SPHKAP: variants seen among roughly 807,000 people sequenced by gnomAD.
SPHKAP encodes SPHK1 interactor, AKAP domain containing.
A neutral mutation model predicts 137.5 loss-of-function variants in SPHKAP; 67 were observed. That is an observed-to-expected ratio of 0.49 (90% CI 0.40 to 0.60). The LOEUF is 0.60. Ranked by LOEUF, SPHKAP falls within the 20% of genes least tolerant of loss-of-function variation. The pLI is 0.00. For missense variants in SPHKAP, 2,097 were observed against 2,069.3 expected, an observed-to-expected ratio of 1.01 and a Z score of -0.26; for synonymous variants, 813 against 785.3, an observed-to-expected ratio of 1.04 and a Z score of -0.59.
chr2:228,039,655 C>A (rs1021507399), intron 3 of SPHKAP, among the ~76,000 whole-genome samples: 20 of 152,168 alleles, frequency 1.3e-4, no homozygotes, highest in Admixed American at 1.0e-3. Flanking sequence ...AAAACACAGT[C>A]ATTTTTAAGT....
intron 1 of SPHKAP, among the ~76,000 whole-genome samples, chr2:228,169,103 T>C (rs1700506492): frequency 6.6e-6 from 1 of 152,096 alleles, no homozygotes. Flanking sequence ...CAGAGGTTGG[T>C]TCATGAGGTT....
In SPHKAP at chr2:228,104,370, CATT is replaced by C. The variant is rs1054011784; in HGVS notation, c.246+4459_246+4461del. Among the ~76,000 whole-genome samples the C allele has an allele frequency of 1.1e-4, 16 of 140,882 alleles. No individual in the cohort carries two copies. In the South Asian group the frequency reaches 2.6e-3, roughly 23 times the overall value. The allele number at this position is 140,882 out of a possible 152,430, so 92.4% of individuals were successfully genotyped here. On this transcript the variant is annotated intron_variant, in intron 3 of 11. Transcript: ENST00000392056. ...TAATATTAAATAATAATATAAATAT[CATT>C]ATATTATATTATTATATAATATATA... is the stretch of plus-strand genomic sequence containing the variant.
intron 7 of SPHKAP, among the ~76,000 whole-genome samples, chr2:228,015,616 T>C (rs1694551504): frequency 6.6e-6 from 1 of 152,198 alleles, no homozygotes; most frequent in Admixed American, 6.5e-5. Flanking sequence ...AGAGAAATTA[T>C]TACCTTGCGT....
intron 3 of SPHKAP, among the ~76,000 whole-genome samples, chr2:228,044,366 C>T (rs192756385): frequency 1.4e-3 from 213 of 152,162 alleles, no homozygotes; most frequent in South Asian, 8.1e-3. Context: ...ACGGAATTAT[C>T]CAGATTGAAT....
chr2:228,064,882 CA>C (rs553342179), intron 3 of SPHKAP, among the ~76,000 whole-genome samples: 18 of 152,250 alleles, frequency 1.2e-4, no homozygotes, highest in African/African-American at 4.3e-4. Context: ...TTGGGTCTGC[CA>C]AAAATTTCAC....
chr2:228,045,646 C>A (rs578121329), intron 3 of SPHKAP, among the ~76,000 whole-genome samples: 1 of 151,630 alleles, frequency 6.6e-6, no homozygotes, highest in South Asian at 2.1e-4. Flanking sequence ...ATACCTAATG[C>A]TAAATGACGA....
chr2:228,062,911 G>A (rs1241202642), intron 3 of SPHKAP, among the ~76,000 whole-genome samples: 1 of 152,172 alleles, frequency 6.6e-6, no homozygotes, highest in Non-Finnish European at 1.5e-5. Flanking sequence ...TAGGGAATTA[G>A]TAATGCATTA....
intron 7 of SPHKAP, among the ~76,000 whole-genome samples, chr2:228,010,036 A>G (rs543994192): frequency 6.6e-6 from 1 of 152,224 alleles, no homozygotes; most frequent in South Asian, 2.1e-4. Flanking sequence ...ATCTCCCTCT[A>G]GTCTGTGTCT....
intron 3 of SPHKAP, among the ~76,000 whole-genome samples, chr2:228,059,864 A>G (rs1696578172): frequency 6.6e-6 from 1 of 152,240 alleles, no homozygotes; most frequent in African/African-American, 2.4e-5. Context: ...TTATAGCAAC[A>G]GTAGTAATAA....
intron 1 of SPHKAP, among the ~76,000 whole-genome samples, chr2:228,148,529 G>T (rs1348953205): frequency 6.6e-6 from 1 of 152,192 alleles, no homozygotes; most frequent in African/African-American, 2.4e-5. Flanking sequence ...AAGGACGCTT[G>T]CAAGGACAGG....
chr2:228,091,689 C>T (rs1400317613), intron 3 of SPHKAP, among the ~76,000 whole-genome samples: 6 of 152,072 alleles, frequency 3.9e-5, no homozygotes, highest in African/African-American at 9.7e-5. Flanking sequence ...CACTAAGGAT[C>T]AGGGAAATGC....
At chr2:228,168,514 T>C (rs74976502) in intron 1 of SPHKAP, among the ~76,000 whole-genome samples, 10,562 of 152,248 alleles carry the variant, frequency 0.069, 415 homozygotes, top group Non-Finnish European at 0.082. Flanking sequence ...TGATCTTTGA[T>C]GTTACTATTG....
At chr2:228,000,878 T>C (rs1693830090) in intron 7 of SPHKAP, among the ~76,000 whole-genome samples, 2 of 152,162 alleles carry the variant, frequency 1.3e-5, no homozygotes, top group South Asian at 4.1e-4. Flanking sequence ...TGGGCATAAG[T>C]TTTCAACGTG....
At chr2:228,115,639 A>G (rs1271890278) in intron 2 of SPHKAP, among the ~76,000 whole-genome samples, 1 of 152,176 alleles carries the variant, frequency 6.6e-6, no homozygotes, top group Non-Finnish European at 1.5e-5. Context: ...AGTAATATGT[A>G]ACCAGTCTCC....
intron 8 of SPHKAP, 85 bp downstream of exon 8, chr2:227,995,424 A>C: frequency 1.3e-6 from 2 of 1,500,782 alleles, no homozygotes; most frequent in Non-Finnish European, 1.8e-6. Flanking sequence ...TTTATTAGGG[A>C]CCCTTTGCAG....
intron 2 of SPHKAP, 153 bp downstream of exon 2, chr2:228,131,827 T>C (rs1319806165): frequency 8.2e-6 from 8 of 974,738 alleles, no homozygotes; most frequent in Non-Finnish European, 9.8e-6. Context: ...AAAATTTTAA[T>C]GTTATCAAGG....
rs542960556 is a variant in SPHKAP, at chr2:228,041,058, C to A, written c.247-13515G>T. On this transcript the variant is annotated intron_variant, in intron 3 of 11. Coordinates refer to ENST00000392056, the MANE Select transcript of SPHKAP (RefSeq NM_001142644.2). ...TGCTCTGGGCTATATAAAAATAAAG[C>A]GGTAATAGAAAATTAACATATTAAA... Among the ~76,000 whole-genome samples, 3 of 152,060 alleles carry A rather than the reference C, an allele frequency of 2.0e-5. No homozygotes were observed. In the East Asian group the frequency reaches 5.8e-4, roughly 29 times the overall value.
intron 1 of SPHKAP, among the ~76,000 whole-genome samples, chr2:228,174,067 T>C (rs184186243): frequency 2.7e-4 from 41 of 152,324 alleles, no homozygotes; most frequent in African/African-American, 8.4e-4. Flanking sequence ...GTCTGAATTC[T>C]TAGCTCTATT....
At chr2:227,994,252 C>CT (rs35785879) in intron 8 of SPHKAP, 41,191 of 166,694 alleles carry the variant, frequency 0.25, 5,919 homozygotes, top group Non-Finnish European at 0.3. Context: ...CACCTGGTAC[C>CT]TTTTTTACTG....
Sources: gnomAD v4.1 joint callset for allele counts (sites outside exome capture counted in the v4.1 genomes callset) on GRCh38, gnomAD v4.1.1 for gene constraint, MANE v1.5 for transcripts, NCBI Gene and HGNC (gene_info 2026-07-23, HGNC 2026-07-21) for gene names.